PRDM10: variants seen among roughly 807,000 people sequenced by gnomAD.
PRDM10 encodes PR domain zinc finger protein 10.
In PRDM10, 65 loss-of-function variants were observed where a neutral mutation model predicts 133.1. That is an observed-to-expected ratio of 0.49 (90% CI 0.40 to 0.60). PRDM10 has a LOEUF of 0.60. Ranked by LOEUF, PRDM10 falls within the 20% of genes least tolerant of loss-of-function variation. PRDM10 has a pLI of 0.00. For synonymous variants in PRDM10, 582 were observed against 580.4 expected, an observed-to-expected ratio of 1.00 and a Z score of -0.04; for missense variants, 1,137 against 1,507.1, an observed-to-expected ratio of 0.75 and a Z score of 4.07.
At chr11:129,998,177 T>G (rs887553798) in intron 1 of PRDM10, among the ~76,000 whole-genome samples, 13 of 152,234 alleles carry the variant, frequency 8.5e-5, no homozygotes, top group African/African-American at 1.2e-4. Context: ...TGAAAGATAT[T>G]ATTTTTTTCT....
chr11:129,912,123 C>T lies in PRDM10; in HGVS notation c.2944G>A (p.Val982Ile). ...QHAIQVQHIQ[V>I]SEPTASAPSS... ...GGGGCCGAGGCGGTAGGCTCGCTGA[C>T]CTGGATGTGCTGCACCTGGATGGCG... Residue 982 changes from valine (V) to isoleucine (I), a missense_variant, in exon 18 of 21, where the codon GTC (valine) becomes ATC (isoleucine). Physicochemically the swap from Val to Ile is conservative, Grantham distance 29. Around this residue, in one of 6 missense-constraint regions of PRDM10, gnomAD observed 243 missense variants for 259.2 expected, o/e 0.94. Coordinates refer to ENST00000360871, the MANE Select transcript of PRDM10 (RefSeq NM_199437.2). 1.9e-6 allele frequency: 3 copies of T among 1,612,750 alleles called. No individual in the cohort carries two copies. The highest frequency in any genetic ancestry group is 2.5e-6 in the Non-Finnish European group (3 of 1,179,440).
chr11:129,977,261 C>CACACAA (rs1937814076), intron 1 of PRDM10, among the ~76,000 whole-genome samples: 1 of 113,884 alleles, frequency 8.8e-6, no homozygotes, highest in African/African-American at 4.9e-5. Flanking sequence ...AAAATACACA[C>CACACAA]ACACACACAC....
chr11:129,912,300 G>T (rs1217938847), intron 17 of PRDM10, 75 bp from the exon 18 acceptor site: 3 of 1,372,146 alleles, frequency 2.2e-6, no homozygotes, highest in East Asian at 2.5e-5. Context: ...CCAGAGAAAA[G>T]GTTCAGTTAA....
At chr11:129,909,630 C>G (rs1950123331) in intron 19 of PRDM10, among the ~76,000 whole-genome samples, 1 of 152,142 alleles carries the variant, frequency 6.6e-6, no homozygotes, top group African/African-American at 2.4e-5. Context: ...ACCTCTTCCT[C>G]CTAGTTTCTA....
chr11:129,943,092 T>C (rs1173196345), intron 6 of PRDM10, among the ~76,000 whole-genome samples: 1 of 152,184 alleles, frequency 6.6e-6, no homozygotes, highest in Admixed American at 6.5e-5. Context: ...AGCAGATGAC[T>C]TGTCAAAAAA....
At chr11:129,998,495 C>A (rs1314599933) in intron 1 of PRDM10, among the ~76,000 whole-genome samples, 1 of 152,100 alleles carries the variant, frequency 6.6e-6, no homozygotes, top group African/African-American at 2.4e-5. Flanking sequence ...AGACAGTAAC[C>A]TTTTAGCAAT....
At chr11:130,002,178 C>T (rs996153625) in intron 1 of PRDM10, among the ~76,000 whole-genome samples, 8 of 148,452 alleles carry the variant, frequency 5.4e-5, no homozygotes, top group African/African-American at 1.7e-4. Context: ...GGCTCCCGGC[C>T]GGCGGAGACC....
At chr11:129,933,435 A>G (rs1950931931) in intron 9 of PRDM10, among the ~76,000 whole-genome samples, 2 of 152,312 alleles carry the variant, frequency 1.3e-5, no homozygotes, top group Admixed American at 1.3e-4. Flanking sequence ...TCATCTCTAG[A>G]TATCTTGGCA....
At chr11:129,970,560 T>C (rs1591675896) in intron 1 of PRDM10, among the ~76,000 whole-genome samples, 1 of 151,754 alleles carries the variant, frequency 6.6e-6, no homozygotes, top group Non-Finnish European at 1.5e-5. Flanking sequence ...TTTTTTTTTT[T>C]CTCGAGATGG....
chr11:129,966,499 A>G (rs1951910284), intron 1 of PRDM10, among the ~76,000 whole-genome samples: 1 of 152,246 alleles, frequency 6.6e-6, no homozygotes, highest in African/African-American at 2.4e-5. Flanking sequence ...CACTGTTGAC[A>G]TACTGAGCCT....
chr11:129,985,586 G>A (rs368374296), intron 1 of PRDM10, among the ~76,000 whole-genome samples: 49 of 151,640 alleles, frequency 3.2e-4, no homozygotes, highest in East Asian at 2.5e-3. Context: ...GAGCTCAGGC[G>A]TTTGAGACCA....
intron 4 of PRDM10, among the ~76,000 whole-genome samples, chr11:129,954,273 T>A (rs1003095299): frequency 1.5e-4 from 23 of 151,098 alleles, no homozygotes; most frequent in Non-Finnish European, 3.2e-4. Flanking sequence ...TTTATTTTTT[T>A]TTTTTTTGAG....
intron 14 of PRDM10, among the ~76,000 whole-genome samples, chr11:129,917,774 C>T (rs942856678): frequency 3.3e-5 from 5 of 152,238 alleles, no homozygotes; most frequent in African/African-American, 9.6e-5. Context: ...TGCACATACC[C>T]TGCTTTGACG....
At chr11:129,983,313 T>C (rs958428498) in intron 1 of PRDM10, among the ~76,000 whole-genome samples, 1 of 131,340 alleles carries the variant, frequency 7.6e-6, no homozygotes, top group Non-Finnish European at 1.6e-5. Context: ...TTTTTTTTTT[T>C]AGACGGAGTC....
intron 20 of PRDM10, among the ~76,000 whole-genome samples, chr11:129,903,416 C>G (rs981719308): frequency 6.6e-6 from 1 of 151,770 alleles, no homozygotes; most frequent in African/African-American, 2.4e-5. Flanking sequence ...TTTTAACACT[C>G]AAGAGTACAG....
chr11:129,996,287 G>T (rs549470803), intron 1 of PRDM10, among the ~76,000 whole-genome samples: 2 of 152,316 alleles, frequency 1.3e-5, no homozygotes, highest in African/African-American at 4.8e-5. Flanking sequence ...CTTCAACAAG[G>T]GCGGTGTGGG....
rs1188946483 is a variant in PRDM10 at position 129,957,793 on chromosome 11, C to T, written c.187G>A (p.Gly63Ser). The T allele has an allele frequency of 6.2e-7, 1 of 1,614,194 alleles. No homozygotes were observed. Among genetic ancestry groups the T allele is most frequent in the African/African-American group, 1.3e-5 (1 of 75,072 alleles). ...ADGASYTSVD[G>S]PEHTLVYIHP... Reference sequence around the variant, plus strand: ...ATGTACACCAGCGTGTGCTCTGGACCATCCACTGATGTGTAGGAGGCACCA... The same window carrying T: ...ATGTACACCAGCGTGTGCTCTGGACTATCCACTGATGTGTAGGAGGCACCA... Residue 63 changes from glycine (G) to serine (S), a missense_variant, in exon 3 of 21, where the codon GGT becomes AGT. Physicochemically the swap from Gly to Ser is moderately conservative, Grantham distance 56. Around this residue, in one of 6 missense-constraint regions of PRDM10, gnomAD observed 635 missense variants for 835.2 expected, o/e 0.76. Transcript: ENST00000360871.
chr11:129,921,368 T>G (rs1366183052), intron 13 of PRDM10, among the ~76,000 whole-genome samples: 1 of 150,650 alleles, frequency 6.6e-6, no homozygotes, highest in Non-Finnish European at 1.5e-5. Context: ...GGAGGAGGAG[T>G]GAGAGCAAGT....
At chr11:129,948,140 A>G (rs760444852) in intron 4 of PRDM10, 1 of 447,724 alleles carries the variant, frequency 2.2e-6, no homozygotes, top group Non-Finnish European at 4.4e-6. Context: ...GTCATGTATT[A>G]GGTTAATGCT....
Sources: gnomAD v4.1 joint callset for allele counts (sites outside exome capture counted in the v4.1 genomes callset) on GRCh38, gnomAD v4.1.1 for gene constraint, gnomAD v4.1.1 regional missense constraint, MANE v1.5 for transcripts, NCBI Gene and HGNC (gene_info 2026-07-23, HGNC 2026-07-21) for gene names.